The following ZNF658 variants were observed in gnomAD, a reference collection of about 807,000 sequenced individuals.
ZNF658 encodes zinc finger protein 658.
A neutral mutation model predicts 78.0 loss-of-function variants in ZNF658; 46 were observed. The ratio of observed to expected loss-of-function variants is 0.59; its 90% CI spans 0.47 to 0.75. The LOEUF is 0.75. Among genes scored for constraint, ZNF658 ranks in the 30% least tolerant of loss-of-function variants. The probability of loss-of-function intolerance (pLI) is 0.00; values close to 1 mark genes in which losing one functional copy is unlikely to be tolerated. For synonymous variants in ZNF658, 279 were observed against 408.4 expected, an observed-to-expected ratio of 0.68 and a Z score of 3.82; for missense variants, 785 against 1,189.3, an observed-to-expected ratio of 0.66 and a Z score of 5.00.
downstream of ZNF658, among the ~76,000 whole-genome samples, chr9:66,922,466 G>A (rs1822542801): frequency 7.6e-6 from 1 of 132,284 alleles, no homozygotes; most frequent in East Asian, 2.3e-4. Flanking sequence ...TTCCTATTTG[G>A]CCATCTTGGA....
intron 4 of ZNF658, among the ~76,000 whole-genome samples, chr9:66,914,842 T>C (rs1822296190): frequency 6.6e-6 from 1 of 152,142 alleles, no homozygotes; most frequent in Non-Finnish European, 1.5e-5. Flanking sequence ...ATTTATGTTA[T>C]GGGAGATATT....
At chr9:66,909,036 G>C (rs935185328) in intron 4 of ZNF658, among the ~76,000 whole-genome samples, 8 of 152,246 alleles carry the variant, frequency 5.3e-5, no homozygotes, top group Admixed American at 1.3e-4. Context: ...AATTAATATG[G>C]TGATGATTTA....
chr9:66,925,532 C>T (rs1822577615), downstream of ZNF658, among the ~76,000 whole-genome samples: 1 of 151,836 alleles, frequency 6.6e-6, no homozygotes, highest in South Asian at 2.1e-4. Context: ...ACCAAGAGTG[C>T]ATCATGAAAG....
At chr9:66,930,716 C>A (rs910911190) in intron 6 of ZNF658, among the ~76,000 whole-genome samples, 1 of 151,962 alleles carries the variant, frequency 6.6e-6, no homozygotes, top group African/African-American at 2.4e-5. Context: ...TTCAACATTT[C>A]CAGAAAGATG....
intron 4 of ZNF658, among the ~76,000 whole-genome samples, chr9:66,909,990 T>A (rs1822175535): frequency 1.3e-5 from 2 of 152,168 alleles, no homozygotes; most frequent in Non-Finnish European, 1.5e-5. Context: ...TGGCCTTTCC[T>A]CTGTGCACAT....
chr9:66,902,955 G>A lies in ZNF658; in HGVS notation c.-44-563G>A, dbSNP rs1821986968. The A allele has an allele frequency of 4.6e-5, 7 of 151,726 alleles. 1 individual carries two copies. The allele number at this position is 151,726 out of a possible 1,614,324, so 9.4% of individuals were successfully genotyped here. A position where few individuals can be genotyped will look rare whatever the true frequency, so the allele number is the denominator to read the frequency against. On this transcript the variant is annotated intron_variant, in intron 1 of 4. Coordinates refer to ENST00000621410, the MANE Select transcript of ZNF658 (RefSeq NM_033160.7). ...TTGACCAGGCTGGTCTTGAACTCTT[G>A]GCCTCCAGCAGTTCACCCCCCTCGG...
chr9:66,917,743 A>G, intron 4 of ZNF658, 62 bp from the exon 5 acceptor site: 2 of 1,455,986 alleles, frequency 1.4e-6, no homozygotes, highest in Admixed American at 2.7e-5. Flanking sequence ...AAATATGAGT[A>G]TAAGTTCTTC....
chr9:66,915,561 C>T (rs1454831970), intron 4 of ZNF658, among the ~76,000 whole-genome samples: 3 of 151,544 alleles, frequency 2.0e-5, no homozygotes, highest in Non-Finnish European at 4.4e-5. Context: ...TCTCAGACTT[C>T]CAGTCTCCTG....
intron 4 of ZNF658, among the ~76,000 whole-genome samples, chr9:66,909,778 C>A (rs1459749813): frequency 6.6e-6 from 1 of 152,210 alleles, no homozygotes; most frequent in African/African-American, 2.4e-5. Context: ...GAAGTGATAT[C>A]TCACTGTGGT....
downstream of ZNF658, among the ~76,000 whole-genome samples, chr9:66,925,535 C>A (rs1288083645): frequency 6.6e-6 from 1 of 151,828 alleles, no homozygotes; most frequent in Non-Finnish European, 1.5e-5. Context: ...AAGAGTGCAT[C>A]ATGAAAGAAA....
chr9:66,927,357 G>A (rs1339610637), intron 6 of ZNF658, among the ~76,000 whole-genome samples: 5 of 151,822 alleles, frequency 3.3e-5, no homozygotes, highest in South Asian at 2.1e-4. Flanking sequence ...AAAGACAAGT[G>A]TTGGAAGGGA....
Position 66,903,752 on chromosome 9 carries a change from G to A in ZNF658, c.15+176G>A, listed in dbSNP as rs185944465. 2.3e-3 allele frequency among the ~76,000 whole-genome samples: 346 copies of A among 152,206 alleles called. 2 individuals carry two copies. The highest frequency in any genetic ancestry group is 7.4e-3 in the African/African-American group (306 of 41,544). The stretch of plus-strand genomic sequence containing the variant: ...GCATGTGGATAGATGCAGATCCTCC[G>A]ATATTACAAATTTACCAAATTAAGC... On this transcript the variant is annotated intron_variant, in intron 2 of 4. Coordinates refer to ENST00000621410, the MANE Select transcript of ZNF658 (RefSeq NM_033160.7).
downstream of ZNF658, among the ~76,000 whole-genome samples, chr9:66,923,931 T>C (rs1311927368): frequency 7.5e-6 from 1 of 132,620 alleles, no homozygotes; most frequent in Non-Finnish European, 1.6e-5. Context: ...GGTAGATCAC[T>C]TGAGGTCAGG....
intron 1 of ZNF658, chr9:66,902,906 T>C (rs1239968175): frequency 6.6e-6 from 1 of 152,032 alleles, no homozygotes; most frequent in Admixed American, 6.6e-5. Context: ...TTTCTATTTT[T>C]AGTAGAGACA....
At chr9:66,906,096 T>C (rs181786266) in intron 2 of ZNF658, among the ~76,000 whole-genome samples, 4,750 of 59,050 alleles carry the variant, frequency 0.08, 399 homozygotes, top group African/African-American at 0.15. Context: ...CATGTGTGGC[T>C]GCAGAAGTCT....
chr9:66,913,193 G>A (rs1398377965), intron 4 of ZNF658, among the ~76,000 whole-genome samples: 10 of 151,202 alleles, frequency 6.6e-5, no homozygotes, highest in Non-Finnish European at 8.8e-5. Context: ...GGGAGGCCGA[G>A]GCGGGTGGAT....
At chr9:66,915,053 GCA>G (rs10608839) in intron 4 of ZNF658, among the ~76,000 whole-genome samples, 26,459 of 143,716 alleles carry the variant, frequency 0.18, 2,307 homozygotes, top group South Asian at 0.26. Context: ...CTTTGGAATT[GCA>G]CACACACACA....
Position 66,908,114 on chromosome 9 carries a change from G to A in ZNF658, c.16-124G>A, listed in dbSNP as rs546076877. On this transcript the variant is annotated intron_variant, in intron 2 of 4. Coordinates refer to ENST00000621410, the MANE Select transcript of ZNF658 (RefSeq NM_033160.7). ...GTTACATATGTTAAGACAATTTTGG[G>A]TCTAAAATAGGCCTTTATAACCATT... 236 of 1,557,632 alleles carry A rather than the reference G, an allele frequency of 1.5e-4. 1 individual carries two copies. The African/African-American group carries it at 2.9e-3, about 19-fold the overall frequency.
At chr9:66,904,541 T>G (rs1165349099) in intron 2 of ZNF658, among the ~76,000 whole-genome samples, 7 of 152,178 alleles carry the variant, frequency 4.6e-5, no homozygotes, top group African/African-American at 1.4e-4. Flanking sequence ...TTTTTTGAGA[T>G]TCAATTCATG....
Sources: allele counts gnomAD v4.1 joint callset (sites outside exome capture counted in the v4.1 genomes callset), GRCh38; gene constraint gnomAD v4.1.1; transcripts MANE v1.5; gene names NCBI Gene and HGNC (gene_info 2026-07-23, HGNC 2026-07-21).